Variants in SNTG1 observed in about 807,000 individuals in gnomAD.
SNTG1 encodes gamma-1-syntrophin.
SNTG1 carries 39 observed loss-of-function variants against 74.7 expected under a neutral mutation model. That is an observed-to-expected ratio of 0.52 (90% CI 0.40 to 0.68). The LOEUF (loss-of-function observed/expected upper bound fraction) is 0.68, where lower values mean the gene tolerates loss of function less well. Among genes scored for constraint, SNTG1 ranks in the 30% least tolerant of loss-of-function variants. SNTG1 has a pLI of 0.00. For missense variants in SNTG1, 685 were observed against 609.5 expected, an observed-to-expected ratio of 1.12 and a Z score of -1.30; for synonymous variants, 254 against 217.1, an observed-to-expected ratio of 1.17 and a Z score of -1.49.
chr8:49,979,309 G>A (rs916190524), intron 1 of SNTG1, among the ~76,000 whole-genome samples: 1 of 152,202 alleles, frequency 6.6e-6, no homozygotes, highest in Non-Finnish European at 1.5e-5. Flanking sequence ...CGCCACGACA[G>A]CCCAGAGCAC....
intron 1 of SNTG1, among the ~76,000 whole-genome samples, chr8:49,986,850 T>C (rs1347099916): frequency 6.6e-6 from 1 of 152,038 alleles, no homozygotes; most frequent in African/African-American, 2.4e-5. Flanking sequence ...CACTTGGGCG[T>C]CAGAGTGAGC....
At chr8:50,658,305 G>T (rs1349453191) in intron 14 of SNTG1, among the ~76,000 whole-genome samples, 1 of 152,014 alleles carries the variant, frequency 6.6e-6, no homozygotes, top group African/African-American at 2.4e-5. Flanking sequence ...AGTATTTATA[G>T]GTAGAGAATG....
chr8:50,287,802 C>T (rs963254474), intron 2 of SNTG1, among the ~76,000 whole-genome samples: 6 of 152,140 alleles, frequency 3.9e-5, no homozygotes, highest in African/African-American at 1.4e-4. Context: ...ATGGTAGACT[C>T]TGGTGACAAC....
chr8:50,202,043 C>T (rs1302774130), intron 2 of SNTG1, among the ~76,000 whole-genome samples: 1 of 152,122 alleles, frequency 6.6e-6, no homozygotes, highest in Non-Finnish European at 1.5e-5. Flanking sequence ...GTTCTTTTTG[C>T]ATTTAGCCTT....
At chr8:49,962,018 T>C (rs1033275206) in intron 1 of SNTG1, among the ~76,000 whole-genome samples, 1 of 152,194 alleles carries the variant, frequency 6.6e-6, no homozygotes, top group Non-Finnish European at 1.5e-5. Context: ...ACAAACATTC[T>C]CCAGCTTCCC....
chr8:50,390,442 A>G (rs6473115), intron 2 of SNTG1, among the ~76,000 whole-genome samples: 1 of 152,226 alleles, frequency 6.6e-6, no homozygotes, highest in African/African-American at 2.4e-5. Context: ...CTGTTTTGGT[A>G]CCAGTACCAT....
chr8:50,389,253 C>T (rs1356904878), intron 2 of SNTG1, among the ~76,000 whole-genome samples: 2 of 152,134 alleles, frequency 1.3e-5, no homozygotes, highest in African/African-American at 4.8e-5. Context: ...TTGTTTCCCA[C>T]AGGCCTGTGG....
At chr8:50,165,684 A>G (rs2082589112) in intron 1 of SNTG1, among the ~76,000 whole-genome samples, 1 of 152,194 alleles carries the variant, frequency 6.6e-6, no homozygotes, top group African/African-American at 2.4e-5. Context: ...TTGCAACTAT[A>G]ATTTTCAGAT....
intron 1 of SNTG1, among the ~76,000 whole-genome samples, chr8:50,148,462 G>A (rs990746859): frequency 6.6e-6 from 1 of 152,068 alleles, no homozygotes. Flanking sequence ...CAACGTGCAG[G>A]TTTGTTACAT....
At chr8:49,938,571 T>TC (rs1808316479) in intron 1 of SNTG1, among the ~76,000 whole-genome samples, 1 of 31,256 alleles carries the variant, frequency 3.2e-5, no homozygotes, top group African/African-American at 9.4e-5. Flanking sequence ...TCTTTTCTTT[T>TC]CTTTTCTTTT....
At chr8:50,032,562 C>T (rs918974156) in intron 1 of SNTG1, among the ~76,000 whole-genome samples, 11 of 152,164 alleles carry the variant, frequency 7.2e-5, no homozygotes, top group Admixed American at 1.3e-4. Flanking sequence ...TGTCTGCACC[C>T]GTAGGCATTT....
intron 13 of SNTG1, among the ~76,000 whole-genome samples, chr8:50,609,053 A>T (rs1469151738): frequency 6.6e-6 from 1 of 152,040 alleles, no homozygotes; most frequent in Non-Finnish European, 1.5e-5. Context: ...GTCCAGGATT[A>T]TTCATGTTTT....
rs570987478 is a variant in SNTG1 at position 50,282,020 on chromosome 8, A to C, written c.-28+109385A>C. Among the ~76,000 whole-genome samples, 24 of 152,284 alleles carry C rather than the reference A, an allele frequency of 1.6e-4. No individual in the cohort carries two copies. The East Asian group carries it at 4.6e-3, about 29-fold the overall frequency. ...TGCCATTTTAAAGTTCACCTTGATC[A>C]AAAACTGCCCAAATCCAAAGGGCAT... On this transcript the variant is annotated intron_variant, in intron 2 of 18. Coordinates refer to ENST00000642720, the MANE Select transcript of SNTG1 (RefSeq NM_018967.5).
intron 8 of SNTG1, among the ~76,000 whole-genome samples, chr8:50,472,087 G>A (rs1015206470): frequency 6.6e-6 from 1 of 152,114 alleles, no homozygotes; most frequent in African/African-American, 2.4e-5. Flanking sequence ...TTCATGGACT[G>A]GGAGAGAATT....
At chr8:50,619,248 T>A (rs2094904635) in intron 13 of SNTG1, among the ~76,000 whole-genome samples, 2 of 152,190 alleles carry the variant, frequency 1.3e-5, no homozygotes, top group African/African-American at 4.8e-5. Flanking sequence ...ATTTTAAGTA[T>A]GATGAATATT....
intron 8 of SNTG1, among the ~76,000 whole-genome samples, chr8:50,483,883 TTC>T (rs1297259144): frequency 1.3e-5 from 2 of 152,176 alleles, no homozygotes; most frequent in Non-Finnish European, 2.9e-5. Context: ...TATGTATTAT[TTC>T]TTTTTCTTCA....
chr8:50,533,557 A>T (rs1220832904), intron 10 of SNTG1, among the ~76,000 whole-genome samples: 1 of 151,906 alleles, frequency 6.6e-6, no homozygotes, highest in Admixed American at 6.5e-5. Flanking sequence ...TTTATGCAAA[A>T]ATAAATAAAC....
At chr8:50,738,646 T>A (rs561026948) in intron 17 of SNTG1, among the ~76,000 whole-genome samples, 1 of 152,182 alleles carries the variant, frequency 6.6e-6, no homozygotes, top group South Asian at 2.1e-4. Context: ...TCATGATACC[T>A]GACTTCAAAC....
chr8:50,209,179 T>G (rs942470136), intron 2 of SNTG1, among the ~76,000 whole-genome samples: 13 of 151,854 alleles, frequency 8.6e-5, no homozygotes, highest in Non-Finnish European at 1.3e-4. Context: ...GGGGGAGGGG[T>G]GCCCGCCATT....
Sources: gnomAD v4.1 joint callset for allele counts (sites outside exome capture counted in the v4.1 genomes callset) on GRCh38, gnomAD v4.1.1 for gene constraint, MANE v1.5 for transcripts, NCBI Gene and HGNC (gene_info 2026-07-23, HGNC 2026-07-21) for gene names.